Variants in CDC5L observed in about 807,000 individuals in gnomAD.
CDC5L encodes the protein cell division cycle 5 like.
In CDC5L, 18 loss-of-function variants were observed where a neutral mutation model predicts 104.1. That is an observed-to-expected ratio of 0.17 (90% CI 0.12 to 0.26). The LOEUF is 0.26. CDC5L is among the 10% of genes least tolerant of loss of function. The probability of loss-of-function intolerance (pLI) is 1.00; values close to 1 mark genes in which losing one functional copy is unlikely to be tolerated. For synonymous variants in CDC5L, 331 were observed against 322.7 expected (o/e 1.03, Z -0.28); for missense variants, 673 against 956.9 (o/e 0.70, Z 3.91).
chr6:44,430,010 T>C lies in CDC5L; in HGVS notation c.2091+100T>C. 1.1e-5 allele frequency: 9 copies of C among 845,476 alleles called. No individual in the cohort carries two copies. The South Asian group carries it at 1.6e-4, about 15-fold the overall frequency. The allele number at this position is 845,476 out of a possible 1,614,324, so 52.4% of individuals were successfully genotyped here. A position where few individuals can be genotyped will look rare whatever the true frequency, so the allele number is the denominator to read the frequency against. ...CAATGTCAGAAAAACACACCTGAGG[T>C]GCTTATTGCCTTTTTAGTTGTTGGA... is the stretch of plus-strand genomic sequence containing the variant. On this transcript the variant is annotated intron_variant, in intron 14 of 15. Coordinates refer to ENST00000371477, the MANE Select transcript of CDC5L (RefSeq NM_001253.4).
chr6:44,419,301 A>G (rs1792053734), intron 8 of CDC5L, 148 bp from the exon 9 acceptor site: 1 of 663,898 alleles, frequency 1.5e-6, no homozygotes, highest in Non-Finnish European at 2.6e-6. Flanking sequence ...GAAATCTGCC[A>G]TGACTGGTAT....
At chr6:44,445,600 A>ATT in intron 14 of CDC5L, 55 bp from the exon 15 acceptor site, 1 of 1,327,320 alleles carries the variant, frequency 7.5e-7, no homozygotes. Flanking sequence ...TAGCCCTGTT[A>ATT]TTTAATAGCC....
At chr6:44,426,421 G>A in intron 12 of CDC5L, 61 bp from the exon 13 acceptor site, 1 of 992,702 alleles carries the variant, frequency 1.0e-6, no homozygotes, top group Non-Finnish European at 1.5e-6. Flanking sequence ...GCTGTAACAG[G>A]TAATAACATT....
intron 14 of CDC5L, among the ~76,000 whole-genome samples, chr6:44,443,174 T>C (rs949456932): frequency 1.2e-4 from 18 of 151,886 alleles, no homozygotes; most frequent in Admixed American, 4.6e-4. Context: ...TTTTTAAATA[T>C]ATCATCCCAC....
At chr6:44,442,304 C>G (rs1793231749) in intron 14 of CDC5L, among the ~76,000 whole-genome samples, 1 of 151,852 alleles carries the variant, frequency 6.6e-6, no homozygotes, top group Non-Finnish European at 1.5e-5. Flanking sequence ...AGGACTTAAC[C>G]AGTGCCAATT....
intron 14 of CDC5L, among the ~76,000 whole-genome samples, chr6:44,433,770 C>T (rs1280066835): frequency 6.6e-6 from 1 of 152,132 alleles, no homozygotes; most frequent in Non-Finnish European, 1.5e-5. Flanking sequence ...TATGAGGACC[C>T]CTGACTTGTC....
intron 13 of CDC5L, among the ~76,000 whole-genome samples, chr6:44,428,779 C>T (rs563890201): frequency 3.9e-5 from 6 of 152,252 alleles, no homozygotes; most frequent in Non-Finnish European, 5.9e-5. Flanking sequence ...TCATCTAATT[C>T]GTGCCCCAGT....
chr6:44,402,274 GTGTAAAAGTGT>G (rs1480407780), intron 5 of CDC5L, among the ~76,000 whole-genome samples: 4 of 151,322 alleles, frequency 2.6e-5, no homozygotes, highest in Non-Finnish European at 2.9e-5. Context: ...CCCACCAACA[GTGTAAAAGTGT>G]TCCTATTTCT....
chr6:44,421,601 C>T (rs1792176329), intron 9 of CDC5L, among the ~76,000 whole-genome samples: 1 of 152,148 alleles, frequency 6.6e-6, no homozygotes, highest in African/African-American at 2.4e-5. Flanking sequence ...TCTGAGGATT[C>T]CACATCTGTG....
chr6:44,396,484 A>G (rs376935402), intron 5 of CDC5L, 44 bp downstream of exon 5: 30 of 1,252,790 alleles, frequency 2.4e-5, no homozygotes, highest in South Asian at 1.3e-4. Flanking sequence ...TTTTTCTCAC[A>G]TAACAATCAA....
chr6:44,387,914 C>A, intron 1 of CDC5L, 46 bp downstream of exon 1: 1 of 1,543,386 alleles, frequency 6.5e-7, no homozygotes, highest in Non-Finnish European at 8.8e-7. Flanking sequence ...CTCCCTCTAG[C>A]AGCTTGTGCG....
intron 9 of CDC5L, among the ~76,000 whole-genome samples, chr6:44,422,129 T>C (rs909669234): frequency 2.0e-5 from 3 of 152,198 alleles, no homozygotes; most frequent in Non-Finnish European, 2.9e-5. Flanking sequence ...AACTTACTCA[T>C]GTTTAGATGT....
intron 14 of CDC5L, among the ~76,000 whole-genome samples, chr6:44,438,665 CTTTTTTTT>C (rs749816182): frequency 9.4e-6 from 1 of 106,286 alleles, no homozygotes; most frequent in Non-Finnish European, 2.0e-5. Context: ...GAAGTTTTGT[CTTTTTTTT>C]TTTTTTTTTT....
chr6:44,440,482 A>T (rs1793132341), intron 14 of CDC5L, among the ~76,000 whole-genome samples: 2 of 152,004 alleles, frequency 1.3e-5, no homozygotes, highest in Admixed American at 1.3e-4. Flanking sequence ...ACCTCAGGTG[A>T]TCTGCCCACC....
rs923311192 is a variant in CDC5L, at chr6:44,447,423, G to T, written c.*712G>T. 6.6e-6 allele frequency: 1 copy of T among 152,140 alleles called. No individual in the cohort carries two copies. Among genetic ancestry groups the T allele is most frequent in the African/African-American group, 2.4e-5 (1 of 41,436 alleles). The allele number at this position is 152,140 out of a possible 1,614,324, so 9.4% of individuals were successfully genotyped here. On this transcript the variant is annotated 3_prime_UTR_variant, in exon 16 of 16. Transcript: ENST00000371477. ...CATTTTAAAAGTTAATTTCAAGAAG[G>T]CCATCAAACTTAAAGCTCTATGTTT...
intron 9 of CDC5L, among the ~76,000 whole-genome samples, chr6:44,420,444 C>T (rs1362452910): frequency 3.3e-5 from 5 of 151,830 alleles, no homozygotes; most frequent in Non-Finnish European, 7.4e-5. Flanking sequence ...TCACAACCTC[C>T]GCCTCCTAGG....
chr6:44,392,271 A>G (rs1029284010), intron 2 of CDC5L, among the ~76,000 whole-genome samples: 1 of 152,244 alleles, frequency 6.6e-6, no homozygotes, highest in Non-Finnish European at 1.5e-5. Flanking sequence ...TTAAAGAAAT[A>G]AGCCATGGTG....
At chr6:44,388,712 C>CTGG (rs922896693) in intron 1 of CDC5L, among the ~76,000 whole-genome samples, 1 of 144,912 alleles carries the variant, frequency 6.9e-6, no homozygotes, top group Non-Finnish European at 1.5e-5. Flanking sequence ...GCCTTCCTAG[C>CTGG]GCTTGACATC....
At chr6:44,415,853 A>C (rs917293415) in intron 8 of CDC5L, among the ~76,000 whole-genome samples, 3 of 152,204 alleles carry the variant, frequency 2.0e-5, no homozygotes, top group Admixed American at 1.3e-4. Context: ...CCACAGTAAA[A>C]TAAATGTCTA....
Sources: allele counts gnomAD v4.1 joint callset (sites outside exome capture counted in the v4.1 genomes callset), GRCh38; gene constraint gnomAD v4.1.1; transcripts MANE v1.5; gene names NCBI Gene and HGNC (gene_info 2026-07-23, HGNC 2026-07-21).